The following PAEP variants were observed in gnomAD, a reference collection of about 807,000 sequenced individuals.
The protein encoded by PAEP is glycodelin.
A neutral mutation model predicts 23.0 loss-of-function variants in PAEP; 28 were observed. That is an observed-to-expected ratio of 1.22 (90% CI 0.90 to 1.67). The LOEUF (loss-of-function observed/expected upper bound fraction) is 1.67. PAEP is among the 40% of genes most tolerant of loss of function. The probability of loss-of-function intolerance (pLI) is 0.00; values close to 1 mark genes in which losing one functional copy is unlikely to be tolerated. For synonymous variants in PAEP, 103 were observed against 92.4 expected, an observed-to-expected ratio of 1.12 and a Z score of -0.66; for missense variants, 209 against 226.4, an observed-to-expected ratio of 0.92 and a Z score of 0.49.
intron 4 of PAEP, 50 bp downstream of exon 4, chr9:135,564,404 G>A (rs199763575): frequency 2.4e-4 from 372 of 1,543,346 alleles, no homozygotes; most frequent in Middle Eastern, 1.8e-3. Flanking sequence ...CAGCAGCTAC[G>A]TCCGTGGCTG....
rs1038861398 is a variant in PAEP, at chr9:135,561,850, C to T, written c.49C>T (p.Pro17Ser). 2 of 1,567,074 alleles carry T rather than the reference C, an allele frequency of 1.3e-6. No homozygotes were observed. The highest frequency in any genetic ancestry group is 2.4e-5 in the East Asian group (1 of 42,444). ...TLGVALVCGV[P>S]AMDIPQTKQD... ...GGGCGTGGCCCTGGTCTGTGGTGTC[C>T]CGGCCATGGACATCCCCCAGACCAA... The change falls in exon 1 of 7, where the codon CCG (proline) becomes TCG (serine). Residue 17 changes from proline (P) to serine (S), a missense_variant. Coordinates refer to ENST00000479141, the MANE Select transcript of PAEP (RefSeq NM_002571.4).
chr9:135,563,393 T>TACAGGTGGACAGGTGGGTAGGTGG (rs1239143587), intron 3 of PAEP, among the ~76,000 whole-genome samples: 34 of 9,282 alleles, frequency 3.7e-3, no homozygotes, highest in Non-Finnish European at 7.3e-3. Context: ...TGGGTAGGTA[T>TACAGGTGGACAGGTGGGTAGGTGG]ACAGGTGGAC....
intron 4 of PAEP, 50 bp downstream of exon 4, chr9:135,564,404 G>C: frequency 6.5e-7 from 1 of 1,543,346 alleles, no homozygotes; most frequent in Non-Finnish European, 8.8e-7. Context: ...CAGCAGCTAC[G>C]TCCGTGGCTG....
At chr9:135,561,973 C>A in intron 1 of PAEP, 76 bp downstream of exon 1, 3 of 1,142,312 alleles carry the variant, frequency 2.6e-6, no homozygotes, top group Non-Finnish European at 3.8e-6. Context: ...GCAGGAAGCC[C>A]AGGATCTCAG....
intron 6 of PAEP, 174 bp downstream of exon 6, chr9:135,565,975 C>T: frequency 1.4e-6 from 1 of 726,658 alleles, no homozygotes; most frequent in South Asian, 1.6e-5. Context: ...GCTGACGTCC[C>T]CATTCACGAG....
chr9:135,562,693 C>T, intron 2 of PAEP, 127 bp from the exon 3 acceptor site: 1 of 868,540 alleles, frequency 1.2e-6, no homozygotes, highest in Non-Finnish European at 1.9e-6. Flanking sequence ...AGGAGAAGGT[C>T]TGGGCGGCTG....
Position 135,562,275 on chromosome 9 carries a change from C to T in PAEP, c.97-19C>T. 2 of 1,610,564 alleles carry T rather than the reference C, an allele frequency of 1.2e-6. No individual in the cohort carries two copies. The highest frequency in any genetic ancestry group is 1.7e-4 in the Middle Eastern group (1 of 6,042). On this transcript the variant is annotated intron_variant, in intron 1 of 6. Transcript: ENST00000479141. ...GCCATGGTGGGGTGGGACCGCCGTG[C>T]AGCCCAAGGCCCCCTCAGTTGGCAG... is the stretch of plus-strand genomic sequence containing the variant.
Position 135,566,741 on chromosome 9 carries a change from C to T in PAEP, c.*189C>T, listed in dbSNP as rs1253939383. The T allele has an allele frequency of 6.5e-6, 1 of 154,808 alleles. No homozygotes were observed. The highest frequency in any genetic ancestry group is 1.5e-5 in the Non-Finnish European group (1 of 68,224). The allele number at this position is 154,808 out of a possible 1,614,324, so 9.6% of individuals were successfully genotyped here. On this transcript the variant is annotated 3_prime_UTR_variant, in exon 7 of 7. Transcript: ENST00000479141. Reference sequence around the variant, plus strand: ...GGAGGCTGCTCCCTGGGGGCAGAGTCTCTGGCAGAGGTTATTAATAAACCC... The same window carrying T: ...GGAGGCTGCTCCCTGGGGGCAGAGTTTCTGGCAGAGGTTATTAATAAACCC...
intron 3 of PAEP, among the ~76,000 whole-genome samples, chr9:135,563,738 A>C (rs1050692690): frequency 1.3e-5 from 2 of 152,184 alleles, no homozygotes; most frequent in African/African-American, 2.4e-5. Flanking sequence ...TTTTTTAAAA[A>C]GACAGAGGTG....
In PAEP at chr9:135,561,915, C is replaced by G; in HGVS notation, c.96+18C>G. On this transcript the variant is annotated intron_variant, in intron 1 of 6. Coordinates refer to ENST00000479141, the MANE Select transcript of PAEP (RefSeq NM_002571.4). Reference sequence around the variant, plus strand: ...TCCCAAAGGTTTGAGGCTGGGGGAGCGGGCACTTTACTGTGGGAGGCCTGG... The same window carrying G: ...TCCCAAAGGTTTGAGGCTGGGGGAGGGGGCACTTTACTGTGGGAGGCCTGG... 8.4e-7 allele frequency: 1 copy of G among 1,194,598 alleles called. No individual in the cohort carries two copies. The highest frequency in any genetic ancestry group is 1.2e-6 in the Non-Finnish European group (1 of 866,430). The allele number at this position is 1,194,598 out of a possible 1,614,324, so 74.0% of individuals were successfully genotyped here.
chr9:135,563,301 GGTGGCTAGGTGAGTAA>G (rs1247915596), intron 3 of PAEP, among the ~76,000 whole-genome samples: 3 of 151,530 alleles, frequency 2.0e-5, no homozygotes, highest in Non-Finnish European at 2.9e-5. Flanking sequence ...TAGGTGGGCA[GGTGGCTAGGTGAGTAA>G]GTGGTTAGGT....
rs773756004 is a variant in PAEP, at chr9:135,562,419, C to T, written c.222C>T (p.Ile74=). 1.5e-5 allele frequency: 25 copies of T among 1,613,764 alleles called. No homozygotes were observed. Among genetic ancestry groups the T allele is most frequent in the Non-Finnish European group, 1.8e-5 (21 of 1,179,910 alleles). Residue 74 remains isoleucine (I), a synonymous_variant, in exon 2 of 7, where the codon ATC becomes ATT. Transcript: ENST00000479141. ...LLPTPEDNLE[I]VLHRWENNSC... is the part of the protein sequence containing the mutation. ...CCACCCCCGAGGACAACCTGGAGAT[C>T]GTTCTGCACAGATGGTGGGTTTCTC...
At chr9:135,564,483 T>C (rs1303796581) in intron 4 of PAEP, 129 bp downstream of exon 4, 13 of 1,464,512 alleles carry the variant, frequency 8.9e-6, no homozygotes. Context: ...TTTTTTTTCT[T>C]GGTTTTTTTT....
At chr9:135,565,565 C>T in intron 5 of PAEP, 51 bp downstream of exon 5, 1 of 1,542,188 alleles carries the variant, frequency 6.5e-7, no homozygotes, top group Non-Finnish European at 9.0e-7. Context: ...GAAGCTGCCT[C>T]TTTCTTAGCC....
Position 135,561,794 on chromosome 9 carries a change from C to T in PAEP, c.-8C>T, listed in dbSNP as rs1268554326. On this transcript the variant is annotated 5_prime_UTR_variant, in exon 1 of 7. Transcript: ENST00000479141. ...CTCCAGAGCTCAGAGCCACCCACAG[C>T]CGCAGCCATGCTGTGCCTCCTGCTC... is the stretch of plus-strand genomic sequence containing the variant. 6.5e-7 allele frequency: 1 copy of T among 1,545,694 alleles called. No individual in the cohort carries two copies.
At chr9:135,565,638 C>T (rs111290016) in intron 5 of PAEP, 124 bp downstream of exon 5, 43 of 1,338,144 alleles carry the variant, frequency 3.2e-5, no homozygotes, top group Middle Eastern at 1.8e-4. Flanking sequence ...CCTGTTCTCC[C>T]CTGGCCTTCT....
chr9:135,561,860 A>T lies in PAEP; in HGVS notation c.59A>T (p.Asp20Val), dbSNP rs1428397069. 1 of 1,568,180 alleles carries T rather than the reference A, an allele frequency of 6.4e-7. No homozygotes were observed. The highest frequency in any genetic ancestry group is 1.2e-5 in the South Asian group (1 of 85,256). The part of the protein sequence containing the change: ...VALVCGVPAM[D>V]IPQTKQDLEL... ...CTGGTCTGTGGTGTCCCGGCCATGG[A>T]CATCCCCCAGACCAAGCAGGACCTG... The change falls in exon 1 of 7, where the codon GAC becomes GTC. Residue 20 changes from aspartate to valine, a missense_variant. By Grantham distance (152) the Asp-to-Val change is radical. Coordinates refer to ENST00000479141, the MANE Select transcript of PAEP (RefSeq NM_002571.4).
At chr9:135,565,868 C>T (rs1832557136) in intron 6 of PAEP, 67 bp downstream of exon 6, 33 of 1,550,372 alleles carry the variant, frequency 2.1e-5, no homozygotes, top group Middle Eastern at 3.4e-4. Context: ...GCGGCTGCCT[C>T]TCTGGGCCCC....
chr9:135,564,365 CAGCACATG>C lies in PAEP; in HGVS notation c.421+15_421+22del, dbSNP rs1554746187. The C allele has an allele frequency of 1.3e-6, 2 of 1,549,482 alleles. No homozygotes were observed. Among genetic ancestry groups the C allele is most frequent in the Non-Finnish European group, 1.7e-6 (2 of 1,146,756 alleles). On this transcript the variant is annotated intron_variant, in intron 4 of 6. Transcript: ENST00000479141. ...TGTGCCAGTACCTGGGTGGGTCTCA[CAGCACATG>C]AGCTCAACGTGGGTGAGAGGCAGCA...
Sources: gnomAD v4.1 joint callset for allele counts (sites outside exome capture counted in the v4.1 genomes callset) on GRCh38, gnomAD v4.1.1 for gene constraint, MANE v1.5 for transcripts, NCBI Gene and HGNC (gene_info 2026-07-23, HGNC 2026-07-21) for gene names.